The following GSE1 variants were observed in gnomAD, a reference collection of about 807,000 sequenced individuals.
GSE1 encodes the protein Gse1 coiled-coil protein, also known as genetic suppressor element 1.
GSE1 carries 32 observed loss-of-function variants against 112.6 expected under a neutral mutation model. That is an observed-to-expected ratio of 0.28 (90% CI 0.21 to 0.38). The LOEUF is 0.38. Among genes scored for constraint, GSE1 ranks in the 10% least tolerant of loss-of-function variants. The pLI is 1.00. For synonymous variants in GSE1, 1,115 were observed against 735.6 expected (o/e 1.52, Z -8.35); for missense variants, 2,348 against 1,699.2 (o/e 1.38, Z -6.71).
intron 1 of GSE1, among the ~76,000 whole-genome samples, chr16:85,284,136 G>C (rs2044941653): frequency 6.6e-6 from 1 of 152,202 alleles, no homozygotes; most frequent in Non-Finnish European, 1.5e-5. Context: ...CAGCTTTCAA[G>C]ATGCCCCCGG....
intron 2 of GSE1, among the ~76,000 whole-genome samples, chr16:85,505,867 C>T (rs1327079423): frequency 6.6e-6 from 1 of 151,894 alleles, no homozygotes; most frequent in South Asian, 2.1e-4. Flanking sequence ...AGCTGAGCAT[C>T]GTGGTGCAAG....
chr16:85,329,211 G>T (rs1432437316), intron 1 of GSE1, among the ~76,000 whole-genome samples: 1 of 152,192 alleles, frequency 6.6e-6, no homozygotes, highest in African/African-American at 2.4e-5. Flanking sequence ...GCTAGCCAAG[G>T]CCTGAGCTTT....
chr16:85,601,882 A>G (rs1211085773), intron 1 of GSE1, among the ~76,000 whole-genome samples: 1 of 152,146 alleles, frequency 6.6e-6, no homozygotes, highest in Non-Finnish European at 1.5e-5. Flanking sequence ...TCGCTTGTCG[A>G]GCCCGCGAGT....
Position 85,648,606 on chromosome 16 carries a change from G to T in GSE1, c.281G>T (p.Ser94Ile). 1 of 1,605,302 alleles carries T rather than the reference G, an allele frequency of 6.2e-7. No homozygotes were observed. The highest frequency in any genetic ancestry group is 8.5e-7 in the Non-Finnish European group (1 of 1,175,942). ...SPVSSPATNH[S>I]SPASTPKRVP... ...GTGTCCTCTCCGGCCACCAACCACA[G>T]CTCCCCCGCCAGCACACCCAAGCGC... The change falls in exon 3 of 16, where the codon AGC (serine) becomes ATC (isoleucine). Residue 94 changes from serine to isoleucine, a missense_variant. By Grantham distance (142) the Ser-to-Ile change is moderately radical. Transcript: ENST00000253458.
chr16:85,354,806 A>G (rs1340381443), intron 1 of GSE1, among the ~76,000 whole-genome samples: 1 of 152,200 alleles, frequency 6.6e-6, no homozygotes, highest in African/African-American at 2.4e-5. Context: ...CAGTAGCCCC[A>G]AGCCTTCCTC....
At chr16:85,260,859 C>A (rs562341665) in intron 1 of GSE1, among the ~76,000 whole-genome samples, 3 of 152,366 alleles carry the variant, frequency 2.0e-5, no homozygotes, top group Non-Finnish European at 4.4e-5. Flanking sequence ...GCACTGAGGG[C>A]TCAGGGAGTC....
At chr16:85,584,742 A>G (rs1291955815) in intron 1 of GSE1, among the ~76,000 whole-genome samples, 1 of 152,178 alleles carries the variant, frequency 6.6e-6, no homozygotes, top group Non-Finnish European at 1.5e-5. Context: ...CTTTCAAATC[A>G]AATTTTATCC....
At chr16:85,640,336 C>T (rs1249695382) in intron 2 of GSE1, among the ~76,000 whole-genome samples, 3 of 152,252 alleles carry the variant, frequency 2.0e-5, no homozygotes, top group East Asian at 1.9e-4. Flanking sequence ...GCTGTGTTAC[C>T]TGCGGCAGGG....
At chr16:85,312,207 G>C (rs982116833) in intron 1 of GSE1, among the ~76,000 whole-genome samples, 2 of 150,314 alleles carry the variant, frequency 1.3e-5, no homozygotes, top group Admixed American at 6.6e-5. Context: ...CCTCTTGCGG[G>C]GGGGGGGGGG....
intron 1 of GSE1, among the ~76,000 whole-genome samples, chr16:85,336,049 A>C (rs1449596918): frequency 6.6e-6 from 1 of 152,040 alleles, no homozygotes; most frequent in Non-Finnish European, 1.5e-5. Flanking sequence ...AGTGTCTCCG[A>C]GATATGGAGG....
chr16:85,189,027 T>C (rs1450597807), intron 1 of GSE1, among the ~76,000 whole-genome samples: 4 of 152,170 alleles, frequency 2.6e-5, no homozygotes, highest in Non-Finnish European at 4.4e-5. Flanking sequence ...TATAGACACA[T>C]TTCCCTGCAC....
rs935906414 is a variant in GSE1, at chr16:85,324,338, C to T, written c.2284-33125C>T. Among the ~76,000 whole-genome samples, 4 of 152,176 alleles carry T rather than the reference C, an allele frequency of 2.6e-5. No homozygotes were observed. The South Asian group carries it at 8.3e-4, about 32-fold the overall frequency. ...CAGCCTGGCCAACATGGCGAAACCC[C>T]GTCTCTACTAAAAATACAAAAATTA... On this transcript the variant is annotated intron_variant, in intron 1 of 2. Coordinates refer to the GSE1 transcript ENST00000637419.
At position 85,674,433 on chromosome 16, in the gene GSE1, C is replaced by CAAAA. The variant is rs929809428; in HGVS notation, c.*1894_*1895insAAAA. 39 of 149,274 alleles carry CAAAA rather than the reference C, an allele frequency of 2.6e-4. No individual in the cohort carries two copies. The highest frequency in any genetic ancestry group is 9.7e-4 in the African/African-American group (38 of 39,244). 9.2% of individuals were successfully genotyped at this position (149,274 alleles called of 1,614,324 possible). ...AGGGGCTGTGCTGCAGGCCTCCCCTCGAAAGACACTGGGAGGTCAGCATGT... is the reference window on the plus strand; with the variant it reads ...AGGGGCTGTGCTGCAGGCCTCCCCTCAAAAGAAAGACACTGGGAGGTCAGCATGT... On this transcript the variant is annotated 3_prime_UTR_variant, in exon 16 of 16. Transcript: ENST00000253458.
intron 2 of GSE1, among the ~76,000 whole-genome samples, chr16:85,540,359 CT>C (rs1211044889): frequency 6.6e-6 from 1 of 152,190 alleles, no homozygotes; most frequent in Non-Finnish European, 1.5e-5. Context: ...TCAAGTTGCC[CT>C]TCACTCACAC....
chr16:85,449,414 G>C (rs576594572), intron 2 of GSE1, among the ~76,000 whole-genome samples: 105 of 152,356 alleles, frequency 6.9e-4, no homozygotes, highest in African/African-American at 2.3e-3. Flanking sequence ...GAGGCCGCAT[G>C]GGGGGCGGGG....
rs1567740924 is a variant in GSE1, at chr16:85,657,575, G to C, written c.1611G>C (p.Glu537Asp). 6.4e-7 allele frequency: 1 copy of C among 1,566,690 alleles called. No homozygotes were observed. The highest frequency in any genetic ancestry group is 8.6e-7 in the Non-Finnish European group (1 of 1,156,576). ...TGGGCCGGCCCCCGGTGCCGGCGGA[G>C]GCAGAGCACAGGCCGGAGAGCACCA... is the stretch of plus-strand genomic sequence containing the variant. Reference protein sequence around the residue: ...LDMGRPPVPAEAEHRPESTTR... With the variant: ...LDMGRPPVPADAEHRPESTTR... The change falls in exon 8 of 16, where the codon GAG (glutamate) becomes GAC (aspartate). Residue 537 changes from glutamate (E) to aspartate (D), a missense_variant. Glu to Asp is a conservative substitution (Grantham distance 45, BLOSUM62 2). Transcript: ENST00000253458.
rs554086886 is a variant in GSE1 at position 85,276,726 on chromosome 16, G to T, written c.2284-80737G>T. 1.0e-3 allele frequency among the ~76,000 whole-genome samples: 152 copies of T among 152,288 alleles called. 1 individual carries two copies. In the South Asian group the frequency reaches 0.03, roughly 30 times the overall value. On this transcript the variant is annotated intron_variant, in intron 1 of 2. Transcript: ENST00000637419. ...CAGCGTGGGCCAGGGCAGGGGCCGG[G>T]GAGGTGTGTGGGGTGGGACCTCGCT...
intron 2 of GSE1, among the ~76,000 whole-genome samples, chr16:85,647,185 C>T (rs1219942422): frequency 6.6e-6 from 1 of 152,202 alleles, no homozygotes; most frequent in East Asian, 1.9e-4. Flanking sequence ...CGTCCATGCC[C>T]CCTGTCCTTG....
intron 1 of GSE1, among the ~76,000 whole-genome samples, chr16:85,631,772 G>C (rs750461): frequency 0.98 from 150,042 of 152,356 alleles, 73,890 homozygotes; most frequent in East Asian, 1. Context: ...ATGAAGAAAC[G>C]GAGGCCCTGA....
Sources: gnomAD v4.1 joint callset for allele counts (sites outside exome capture counted in the v4.1 genomes callset) on GRCh38, gnomAD v4.1.1 for gene constraint, MANE v1.5 for transcripts, NCBI Gene and HGNC (gene_info 2026-07-23, HGNC 2026-07-21) for gene names.